The following SMAD6 variants were observed in gnomAD, a reference collection of about 807,000 sequenced individuals.
SMAD6 encodes the protein MAD homolog 6.
Under a neutral mutation model 39.4 loss-of-function variants are expected in SMAD6, and 103 were observed. That is an observed-to-expected ratio of 2.62 (90% CI 2.23 to 3.08). The LOEUF is 3.08. SMAD6 is among the 30% of genes most tolerant of loss of function. The pLI is 0.00. For synonymous variants in SMAD6, 445 were observed against 353.3 expected, an observed-to-expected ratio of 1.26 and a Z score of -2.91; for missense variants, 1,104 against 742.9, an observed-to-expected ratio of 1.49 and a Z score of -5.65.
chr15:66,761,960 A>G lies in SMAD6; in HGVS notation c.953-19037A>G, dbSNP rs114172188. On this transcript the variant is annotated intron_variant, in intron 3 of 3. Transcript: ENST00000288840. ...CCCCAGACACCAGAGTCCATTTTGA[A>G]TTGGGAGCAAGGAAGTGACGCTCAG... 8.2e-3 allele frequency among the ~76,000 whole-genome samples: 1,241 copies of G among 152,250 alleles called. 17 individuals are homozygous for G. Among genetic ancestry groups the G allele is most frequent in the African/African-American group, 0.029 (1,187 of 41,540 alleles).
intron 3 of SMAD6, chr15:66,717,598 C>G (rs193171526): frequency 2.6e-6 from 1 of 387,958 alleles, no homozygotes; most frequent in Non-Finnish European, 5.3e-6. Context: ...ACTGGCTGCT[C>G]ATGGCTGCCT....
chr15:66,716,924 T>C lies in SMAD6; in HGVS notation c.952+426T>C, dbSNP rs1027719483. 19 of 1,218,710 alleles carry C rather than the reference T, an allele frequency of 1.6e-5. No individual in the cohort carries two copies. In the African/African-American group the frequency reaches 2.5e-4, roughly 16 times the overall value. 75.5% of individuals were successfully genotyped at this position (1,218,710 alleles called of 1,614,324 possible). A position where few individuals can be genotyped will look rare whatever the true frequency, so the allele number is the denominator to read the frequency against. ...GTGAAGGGTCAGAAGATTGGGGGAATTGGAGCCGGTTGAATGAGCTTGCAG... is the reference window on the plus strand; with the variant it reads ...GTGAAGGGTCAGAAGATTGGGGGAACTGGAGCCGGTTGAATGAGCTTGCAG... On this transcript the variant is annotated intron_variant, in intron 3 of 3. Transcript: ENST00000288840.
At chr15:66,759,125 G>C (rs1349448160) in intron 3 of SMAD6, among the ~76,000 whole-genome samples, 3 of 152,158 alleles carry the variant, frequency 2.0e-5, no homozygotes, top group Non-Finnish European at 4.4e-5. Flanking sequence ...CAGCTGGCAG[G>C]CCAAATTTCT....
chr15:66,779,180 G>A (rs1894516838), intron 3 of SMAD6, among the ~76,000 whole-genome samples: 1 of 152,118 alleles, frequency 6.6e-6, no homozygotes, highest in African/African-American at 2.4e-5. Flanking sequence ...CCACCTGCTG[G>A]GACTGGCCTG....
In SMAD6 at chr15:66,703,683, G is replaced by A; in HGVS notation, c.425G>A (p.Ser142Asn). The change falls in exon 1 of 4, where the codon AGC becomes AAC. Residue 142 changes from serine to asparagine, a missense_variant. Physicochemically the swap from Ser to Asn is conservative, Grantham distance 46. Coordinates refer to ENST00000288840, the MANE Select transcript of SMAD6 (RefSeq NM_005585.5). The stretch of plus-strand genomic sequence containing the variant: ...GCCGCCGGCGCGCCCCGGGACGCCA[G>A]CGACCCCCTGGCCGGGGCGGCCCTG... ...RDAAGAPRDA[S>N]DPLAGAALEP... The A allele has an allele frequency of 8.1e-7, 1 of 1,237,272 alleles. No individual in the cohort carries two copies. Among genetic ancestry groups the A allele is most frequent in the Middle Eastern group, 2.5e-4 (1 of 3,962 alleles). 76.6% of individuals were successfully genotyped at this position (1,237,272 alleles called of 1,614,324 possible).
chr15:66,763,607 C>T (rs1389703205), intron 3 of SMAD6, among the ~76,000 whole-genome samples: 5 of 152,230 alleles, frequency 3.3e-5, no homozygotes, highest in African/African-American at 4.8e-5. Context: ...AGGGCCTCTT[C>T]CTGCCACTCC....
intron 3 of SMAD6, among the ~76,000 whole-genome samples, chr15:66,738,156 C>T (rs1378166456): frequency 1.3e-5 from 2 of 152,090 alleles, no homozygotes; most frequent in Non-Finnish European, 2.9e-5. Flanking sequence ...AAAATGTACA[C>T]TGAGAGGCTA....
intron 3 of SMAD6, among the ~76,000 whole-genome samples, chr15:66,765,232 CT>C (rs368571249): frequency 4.0e-5 from 6 of 149,718 alleles, no homozygotes; most frequent in Middle Eastern, 3.5e-3. Context: ...CTCAGGACTT[CT>C]TTTTTTTTTG....
chr15:66,713,973 C>T (rs1235958602), intron 2 of SMAD6, among the ~76,000 whole-genome samples: 2 of 152,240 alleles, frequency 1.3e-5, no homozygotes, highest in Non-Finnish European at 2.9e-5. Flanking sequence ...GAGGTACAAA[C>T]TCAGAGCAGC....
intron 1 of SMAD6, 117 bp downstream of exon 1, chr15:66,704,192 T>C: frequency 1.2e-6 from 1 of 837,410 alleles, no homozygotes; most frequent in Non-Finnish European, 1.6e-6. Flanking sequence ...CGGGTGCCCT[T>C]GGAGCGTGGG....
rs1052095199 is a variant in SMAD6 at position 66,702,430 on chromosome 15, A to AG, written c.-823dup. ...GGGCCACCGGGAGGCACTTTTGTGG[A>AG]GGGGGGAGGGGGGGCGACCTCGGCA... On this transcript the variant is annotated 5_prime_UTR_variant, in exon 1 of 4. An upstream open reading frame in the 5' UTR gains an earlier in-frame stop. Transcript: ENST00000288840. 5.4e-5 allele frequency: 1 copy of AG among 18,350 alleles called. No individual in the cohort carries two copies. Among genetic ancestry groups the AG allele is most frequent in the Non-Finnish European group, 1.2e-4 (1 of 8,554 alleles). 1.1% of individuals were successfully genotyped at this position (18,350 alleles called of 1,614,324 possible).
chr15:66,732,918 A>G (rs1262978999), intron 3 of SMAD6, among the ~76,000 whole-genome samples: 1 of 151,056 alleles, frequency 6.6e-6, no homozygotes, highest in Admixed American at 6.6e-5. Context: ...TTTTTTTTTT[A>G]TGTTTTCTTC....
intron 3 of SMAD6, among the ~76,000 whole-genome samples, chr15:66,771,846 A>G (rs552275415): frequency 7.2e-5 from 11 of 152,236 alleles, no homozygotes; most frequent in Non-Finnish European, 1.5e-4. Context: ...CATCTACAAA[A>G]TACTCATTTT....
chr15:66,721,727 A>G (rs1339439024), intron 3 of SMAD6, among the ~76,000 whole-genome samples: 1 of 152,216 alleles, frequency 6.6e-6, no homozygotes, highest in African/African-American at 2.4e-5. Flanking sequence ...TGGCCATCAC[A>G]GTGTTCCAGG....
At chr15:66,733,294 A>G (rs956547324) in intron 3 of SMAD6, among the ~76,000 whole-genome samples, 9 of 152,232 alleles carry the variant, frequency 5.9e-5, no homozygotes, top group Non-Finnish European at 1.3e-4. Flanking sequence ...GCATATGTAT[A>G]TAAATTTTAG....
intron 1 of SMAD6, chr15:66,708,825 A>T: frequency 2.2e-6 from 1 of 453,340 alleles, no homozygotes; most frequent in Admixed American, 2.4e-5. Context: ...CGATAAAAAA[A>T]ATGTCTTGTG....
chr15:66,743,799 A>G (rs1379903314), intron 3 of SMAD6, among the ~76,000 whole-genome samples: 1 of 152,172 alleles, frequency 6.6e-6, no homozygotes, highest in Non-Finnish European at 1.5e-5. Context: ...AAGTTCATAT[A>G]GCTGTTTTGT....
chr15:66,764,769 A>G (rs1477046710), intron 3 of SMAD6, among the ~76,000 whole-genome samples: 2 of 152,112 alleles, frequency 1.3e-5, no homozygotes, highest in African/African-American at 4.8e-5. Flanking sequence ...TGCTGCCATC[A>G]TTTTTGTCCT....
chr15:66,749,166 A>T (rs1223122149), intron 3 of SMAD6, among the ~76,000 whole-genome samples: 1 of 152,180 alleles, frequency 6.6e-6, no homozygotes, highest in Non-Finnish European at 1.5e-5. Context: ...CTCTACAAAA[A>T]ATACAAAAAC....
Sources: allele counts gnomAD v4.1 joint callset (sites outside exome capture counted in the v4.1 genomes callset), GRCh38; gene constraint gnomAD v4.1.1; transcripts MANE v1.5; gene names NCBI Gene and HGNC (gene_info 2026-07-23, HGNC 2026-07-21).